The following USP42 variants were observed in gnomAD, a reference collection of about 807,000 sequenced individuals.
USP42 encodes the protein ubiquitin carboxyl-terminal hydrolase 42.
Under a neutral mutation model 113.0 loss-of-function variants are expected in USP42, and 23 were observed. That is an observed-to-expected ratio of 0.20 (90% CI 0.15 to 0.29). The LOEUF is 0.29. Ranked by LOEUF, USP42 falls within the 10% of genes least tolerant of loss-of-function variation. USP42 has a pLI of 1.00. For missense variants in USP42, 2,174 were observed against 1,779.8 expected, an observed-to-expected ratio of 1.22 and a Z score of -3.99; for synonymous variants, 933 against 699.0, an observed-to-expected ratio of 1.33 and a Z score of -5.28.
chr7:6,130,140 C>T (rs766940088), intron 3 of USP42, among the ~76,000 whole-genome samples: 3 of 152,128 alleles, frequency 2.0e-5, no homozygotes, highest in South Asian at 4.2e-4. Context: ...CATGAGCCCC[C>T]GCGCCTGGCC....
chr7:6,085,022 G>T, the USP42 span: 2 of 151,190 alleles, frequency 1.3e-5, no homozygotes, highest in Admixed American at 6.6e-5. Context: ...CCCAGCCAAG[G>T]ACTCTTAAGT....
At chr7:6,107,730 AT>A (rs896236896) in intron 1 of USP42, among the ~76,000 whole-genome samples, 3 of 150,860 alleles carry the variant, frequency 2.0e-5, no homozygotes, top group African/African-American at 7.3e-5. Flanking sequence ...TTTTTCCTGC[AT>A]TTTTTTCTTC....
intron 2 of USP42, chr7:6,111,974 A>C (rs1038954397): frequency 2.0e-5 from 3 of 152,396 alleles, no homozygotes; most frequent in Admixed American, 2.0e-4. Context: ...ATGGGCAAGC[A>C]TTATAATAAC....
chr7:6,149,602 G>A lies in USP42; in HGVS notation c.1406G>A (p.Gly469Glu), dbSNP rs745489112. ...TTCCAGAATCCACCTCACTTAAATG[G>A]GACTGGACCATTGAAAGACACGCCA... ...HMIKNPPHLN[G>E]TGPLKDTPSS... The change falls in exon 13 of 18, where the codon GGG (glycine) becomes GAG (glutamate). Residue 469 changes from glycine (G) to glutamate (E), a missense_variant. Physicochemically the swap from Gly to Glu is moderately conservative, Grantham distance 98. Transcript: ENST00000306177. 6.2e-7 allele frequency: 1 copy of A among 1,613,694 alleles called. No homozygotes were observed. Among genetic ancestry groups the A allele is most frequent in the Non-Finnish European group, 8.5e-7 (1 of 1,179,766 alleles).
chr7:6,141,383 T>G (rs984087389), intron 7 of USP42, among the ~76,000 whole-genome samples: 1 of 151,866 alleles, frequency 6.6e-6, no homozygotes, highest in Non-Finnish European at 1.5e-5. Flanking sequence ...TTTTGTATTT[T>G]TAGTAGAGAT....
chr7:6,129,440 C>G (rs1396089607), intron 3 of USP42, among the ~76,000 whole-genome samples: 3 of 150,912 alleles, frequency 2.0e-5, no homozygotes, highest in African/African-American at 7.3e-5. Context: ...GCCTGTAATC[C>G]CAGCTATTCG....
intron 15 of USP42, among the ~76,000 whole-genome samples, chr7:6,155,593 T>C (rs1029540502): frequency 6.6e-6 from 1 of 152,218 alleles, no homozygotes; most frequent in Non-Finnish European, 1.5e-5. Context: ...ATATCTGTTA[T>C]ATTTTCCTGA....
At position 6,154,450 on chromosome 7, in the gene USP42, G is replaced by T; in HGVS notation, c.2896G>T (p.Ala966Ser). The T allele has an allele frequency of 6.4e-7, 1 of 1,565,272 alleles. No homozygotes were observed. The highest frequency in any genetic ancestry group is 8.6e-7 in the Non-Finnish European group (1 of 1,156,450). ...RRERSSSGEP[A>S]RESRSKTEGH... ...AGAGCGCTCGTCCAGCGGGGAGCCC[G>T]CCAGAGAGAGCAGGAGCAAGACTGA... is the stretch of plus-strand genomic sequence containing the variant. The change falls in exon 15 of 18, where the codon GCC (alanine) becomes TCC (serine). Residue 966 changes from alanine to serine, a missense_variant. Ala to Ser is a moderately conservative substitution (Grantham distance 99). Transcript: ENST00000306177.
At chr7:6,092,600 A>G in the USP42 span, among the ~76,000 whole-genome samples, 2 of 151,366 alleles carry the variant, frequency 1.3e-5, no homozygotes, top group Non-Finnish European at 2.9e-5. Context: ...ACAATGTGTA[A>G]TAACTAATTA....
chr7:6,149,240 C>T (rs1342508997), intron 12 of USP42, among the ~76,000 whole-genome samples: 1 of 152,152 alleles, frequency 6.6e-6, no homozygotes, highest in Non-Finnish European at 1.5e-5. Context: ...TCTGCATCAG[C>T]GAGCTCCCAG....
chr7:6,147,797 T>C lies in USP42; in HGVS notation c.1291T>C (p.Ser431Pro), dbSNP rs1000066276. The C allele has an allele frequency of 8.1e-6, 13 of 1,613,070 alleles. No homozygotes were observed. Among genetic ancestry groups the C allele is most frequent in the Non-Finnish European group, 1.1e-5 (13 of 1,179,296 alleles). The stretch of plus-strand genomic sequence containing the variant: ...TCATCCCACCCATAGCCCCGGCCAG[T>C]CCTCTCCCCGCCCCGTCATCAGTCA... ...LTHPTHSPGQ[S>P]SPRPVISQRV... Residue 431 changes from serine to proline, a missense_variant, in exon 12 of 18, where the codon TCC (serine) becomes CCC (proline). Transcript: ENST00000306177.
chr7:6,158,677 G>A lies in USP42; in HGVS notation c.3944-773G>A, dbSNP rs796077360. On this transcript the variant is annotated intron_variant, in intron 16 of 17. Transcript: ENST00000306177. This position sits in a 1 kb window ranked among gnomAD's most constrained non-coding sequence, Gnocchi z 4.2. The stretch of plus-strand genomic sequence containing the variant: ...TGAGGACGGGTTGCCTGCGGGCCTT[G>A]TAGACGTTCTGGACATTTCAGAATT... Among the ~76,000 whole-genome samples the A allele has an allele frequency of 6.6e-6, 1 of 152,232 alleles. No individual in the cohort carries two copies. The highest frequency in any genetic ancestry group is 2.1e-4 in the South Asian group (1 of 4,828).
intron 3 of USP42, 59 bp from the exon 4 acceptor site, chr7:6,135,782 C>T: frequency 2.0e-6 from 2 of 982,812 alleles, no homozygotes; most frequent in Non-Finnish European, 3.0e-6. Flanking sequence ...TGTAATTAGC[C>T]TTGATGTGTG....
At chr7:6,094,897 C>G in the USP42 span, among the ~76,000 whole-genome samples, 26 of 150,656 alleles carry the variant, frequency 1.7e-4, no homozygotes, top group Non-Finnish European at 1.6e-4. Context: ...AAGCGATTCT[C>G]CTGCCTCAGC....
chr7:6,154,314 C>T lies in USP42; in HGVS notation c.2760C>T (p.Pro920=), dbSNP rs745456103. The T allele has an allele frequency of 2.5e-6, 4 of 1,580,272 alleles. No individual in the cohort carries two copies. The highest frequency in any genetic ancestry group is 2.3e-5 in the South Asian group (2 of 87,402). ...GHPEGDAEPS[P]GERVEDAAAP... ...CGGAAGGGGACGCTGAGCCTAGCCCCGGCGAGAGGGTCGAGGACGCCGCGG... is the reference window on the plus strand; with the variant it reads ...CGGAAGGGGACGCTGAGCCTAGCCCTGGCGAGAGGGTCGAGGACGCCGCGG... The change falls in exon 15 of 18, where the codon CCC becomes CCT. Residue 920 remains proline, a synonymous_variant. Transcript: ENST00000306177.
the USP42 span, chr7:6,085,318 G>A: frequency 1.3e-5 from 2 of 149,824 alleles, no homozygotes; most frequent in Non-Finnish European, 2.9e-5. Context: ...GTAGAGATGG[G>A]GTTTCACCAC....
rs927908987 is a variant in USP42 at position 6,139,444 on chromosome 7, C to G, written c.656+250C>G. ...TGTCAGGAAATAAACATTGGTCTTGCAGCTATTTAATTTCTCATTATCAGC... is the reference window on the plus strand; with the variant it reads ...TGTCAGGAAATAAACATTGGTCTTGGAGCTATTTAATTTCTCATTATCAGC... On this transcript the variant is annotated intron_variant, in intron 5 of 17. Coordinates refer to ENST00000306177, the MANE Select transcript of USP42 (RefSeq NM_032172.3). This position sits in a 1 kb window ranked among gnomAD's most constrained non-coding sequence, Gnocchi z 4.5. 1.4e-5 allele frequency: 5 copies of G among 360,726 alleles called. No individual in the cohort carries two copies. Among genetic ancestry groups the G allele is most frequent in the African/African-American group, 2.1e-5 (1 of 47,184 alleles). The allele number at this position is 360,726 out of a possible 1,614,324, so 22.3% of individuals were successfully genotyped here. A position where few individuals can be genotyped will look rare whatever the true frequency, so the allele number is the denominator to read the frequency against.
intron 2 of USP42, among the ~76,000 whole-genome samples, chr7:6,112,553 A>G (rs1393090926): frequency 6.6e-6 from 1 of 152,220 alleles, no homozygotes; most frequent in African/African-American, 2.4e-5. Flanking sequence ...CAGATAAATG[A>G]GACAGTAACA....
In USP42 at chr7:6,161,164, C is replaced by A. The variant is rs1782755101; in HGVS notation, c.*646C>A. The A allele has an allele frequency of 1.3e-5, 2 of 152,608 alleles. No homozygotes were observed. Among genetic ancestry groups the A allele is most frequent in the African/African-American group, 4.8e-5 (2 of 41,434 alleles). The allele number at this position is 152,608 out of a possible 1,614,324, so 9.5% of individuals were successfully genotyped here. A position where few individuals can be genotyped will look rare whatever the true frequency, so the allele number is the denominator to read the frequency against. On this transcript the variant is annotated 3_prime_UTR_variant, in exon 18 of 18. Coordinates refer to ENST00000306177, the MANE Select transcript of USP42 (RefSeq NM_032172.3). ...GAGTATTTACATTATGAATGTATAA[C>A]CCAGACATGATTTGTAAAGCCGACA...
Sources: gnomAD v4.1 joint callset for allele counts (sites outside exome capture counted in the v4.1 genomes callset) on GRCh38, gnomAD v4.1.1 for gene constraint, Gnocchi (gnomAD v3.1) non-coding constraint, MANE v1.5 for transcripts, NCBI Gene and HGNC (gene_info 2026-07-23, HGNC 2026-07-21) for gene names.